Variants in ANKS1B observed in about 807,000 individuals in gnomAD.
ANKS1B encodes ankyrin repeat and sterile alpha motif domain-containing protein 1B.
ANKS1B carries 36 observed loss-of-function variants against 148.3 expected under a neutral mutation model. The ratio of observed to expected loss-of-function variants is 0.24; its 90% CI spans 0.19 to 0.32. The LOEUF (loss-of-function observed/expected upper bound fraction) is 0.32, where lower values mean the gene tolerates loss of function less well. Ranked by LOEUF, ANKS1B falls within the 10% of genes least tolerant of loss-of-function variation. The probability of loss-of-function intolerance (pLI) is 1.00; values close to 1 mark genes in which losing one functional copy is unlikely to be tolerated. For missense variants in ANKS1B, 1,157 were observed against 1,542.6 expected (o/e 0.75, Z 4.19); for synonymous variants, 542 against 560.8 (o/e 0.97, Z 0.47).
intron 17 of ANKS1B, among the ~76,000 whole-genome samples, chr12:98,973,518 T>C (rs1479942823): frequency 6.6e-6 from 1 of 152,152 alleles, no homozygotes; most frequent in African/African-American, 2.4e-5. Context: ...ATAAACAGTT[T>C]ATTACGTTTT....
chr12:99,791,805 AAAACTT>A (rs2153645251), intron 4 of ANKS1B, among the ~76,000 whole-genome samples: 1 of 135,026 alleles, frequency 7.4e-6, no homozygotes, highest in South Asian at 2.4e-4. Flanking sequence ...AAAAGGAAGA[AAAACTT>A]AAAATAAATA....
chr12:99,741,065 G>C (rs547590767), intron 8 of ANKS1B, among the ~76,000 whole-genome samples: 1 of 152,046 alleles, frequency 6.6e-6, no homozygotes, highest in East Asian at 1.9e-4. Context: ...AAAATTAGCT[G>C]GGTGTGGTGG....
At chr12:99,437,270 G>C (rs1353751920) in intron 11 of ANKS1B, among the ~76,000 whole-genome samples, 2 of 151,906 alleles carry the variant, frequency 1.3e-5, no homozygotes, top group Non-Finnish European at 2.9e-5. Flanking sequence ...ATTCATGAGA[G>C]CTCTGCCATC....
intron 17 of ANKS1B, among the ~76,000 whole-genome samples, chr12:99,004,435 G>T (rs989383319): frequency 1.3e-5 from 2 of 152,002 alleles, no homozygotes; most frequent in African/African-American, 4.8e-5. Context: ...CACTAGATAG[G>T]GATAAATTAC....
chr12:99,205,327 A>G (rs2082529796), intron 14 of ANKS1B, among the ~76,000 whole-genome samples: 1 of 152,200 alleles, frequency 6.6e-6, no homozygotes, highest in Non-Finnish European at 1.5e-5. Flanking sequence ...GTATAAACCA[A>G]TGTCCTCTTG....
At chr12:98,941,131 C>T (rs1035271537) in intron 17 of ANKS1B, among the ~76,000 whole-genome samples, 3 of 152,090 alleles carry the variant, frequency 2.0e-5, no homozygotes, top group Non-Finnish European at 4.4e-5. Context: ...CAATTTATAA[C>T]CTTGTTTTAT....
intron 15 of ANKS1B, among the ~76,000 whole-genome samples, chr12:99,132,256 G>T (rs1366402728): frequency 1.3e-5 from 2 of 152,270 alleles, no homozygotes; most frequent in Admixed American, 6.5e-5. Flanking sequence ...GGACCACGAG[G>T]CTCGAAAGGA....
chr12:99,797,948 G>A (rs1181404917), intron 4 of ANKS1B, among the ~76,000 whole-genome samples: 1 of 151,886 alleles, frequency 6.6e-6, no homozygotes, highest in African/African-American at 2.4e-5. Flanking sequence ...TTCCATGGAA[G>A]CTCAGTTGTG....
intron 1 of ANKS1B, among the ~76,000 whole-genome samples, chr12:99,909,959 T>C (rs2093939935): frequency 6.6e-6 from 1 of 152,198 alleles, no homozygotes; most frequent in Admixed American, 6.5e-5. Context: ...AATTCCTCTG[T>C]CCACCTAGAA....
At chr12:99,410,745 C>T (rs531564547) in intron 11 of ANKS1B, among the ~76,000 whole-genome samples, 47 of 152,304 alleles carry the variant, frequency 3.1e-4, no homozygotes, top group Non-Finnish European at 6.3e-4. Context: ...GACACAGGAA[C>T]GACTGTGATT....
chr12:99,382,941 T>G (rs2093703022), intron 12 of ANKS1B, among the ~76,000 whole-genome samples: 1 of 151,964 alleles, frequency 6.6e-6, no homozygotes, highest in Non-Finnish European at 1.5e-5. Context: ...GCCAGGAGAG[T>G]AAGCAGCCTC....
intron 11 of ANKS1B, among the ~76,000 whole-genome samples, chr12:99,409,110 A>G (rs1022322174): frequency 6.6e-6 from 1 of 152,232 alleles, no homozygotes; most frequent in Non-Finnish European, 1.5e-5. Flanking sequence ...GTGTCTATCA[A>G]CATATGAATG....
chr12:99,242,114 C>A (rs1346560151), intron 14 of ANKS1B, among the ~76,000 whole-genome samples: 1 of 152,146 alleles, frequency 6.6e-6, no homozygotes, highest in Non-Finnish European at 1.5e-5. Flanking sequence ...TCTCTGTTTG[C>A]AGATGATATG....
chr12:99,685,725 T>C (rs1328514627), intron 8 of ANKS1B, among the ~76,000 whole-genome samples: 1 of 151,340 alleles, frequency 6.6e-6, no homozygotes, highest in Non-Finnish European at 1.5e-5. Context: ...GTGGGGTGTG[T>C]TTATGTGTGT....
At chr12:99,433,801 T>C (rs1047679935) in intron 11 of ANKS1B, among the ~76,000 whole-genome samples, 14 of 152,216 alleles carry the variant, frequency 9.2e-5, no homozygotes, top group Middle Eastern at 3.4e-3. Flanking sequence ...GGAGTGAAAG[T>C]AGACTGAGAA....
chr12:99,926,684 T>C (rs1376692769), intron 1 of ANKS1B, among the ~76,000 whole-genome samples: 1 of 152,210 alleles, frequency 6.6e-6, no homozygotes, highest in Non-Finnish European at 1.5e-5. Context: ...TGCCTTTATA[T>C]ACATATGCAC....
rs886563527 is a variant in ANKS1B at position 99,746,718 on chromosome 12, A to G, written c.1128+26204T>C. ...GTAAATGACTGTATTGGAAAGTCACATCAGTTCAGACCTCAGGAGGCAGTA... is the reference window on the plus strand; with the variant it reads ...GTAAATGACTGTATTGGAAAGTCACGTCAGTTCAGACCTCAGGAGGCAGTA... On this transcript the variant is annotated intron_variant, in intron 8 of 26. Coordinates refer to ENST00000683438, the MANE Select transcript of ANKS1B (RefSeq NM_001352186.2). Among the ~76,000 whole-genome samples the G allele has an allele frequency of 2.0e-5, 3 of 152,164 alleles. No homozygotes were observed. The East Asian group carries it at 5.8e-4, about 29-fold the overall frequency.
At chr12:99,065,113 A>C (rs2043679141) in intron 16 of ANKS1B, among the ~76,000 whole-genome samples, 1 of 152,128 alleles carries the variant, frequency 6.6e-6, no homozygotes, top group African/African-American at 2.4e-5. Context: ...GATGTGAACT[A>C]TATTTAGAAA....
intron 15 of ANKS1B, among the ~76,000 whole-genome samples, chr12:99,125,955 A>G (rs982693452): frequency 6.6e-6 from 1 of 152,172 alleles, no homozygotes; most frequent in Non-Finnish European, 1.5e-5. Flanking sequence ...AAAATAAAAG[A>G]TAGGAAAGAC....
Sources: gnomAD v4.1 joint callset for allele counts (sites outside exome capture counted in the v4.1 genomes callset) on GRCh38, gnomAD v4.1.1 for gene constraint, MANE v1.5 for transcripts, NCBI Gene and HGNC (gene_info 2026-07-23, HGNC 2026-07-21) for gene names.